The following ATP8A2 variants were observed in gnomAD, a reference collection of about 807,000 sequenced individuals.
ATP8A2 encodes the protein phospholipid-transporting ATPase IB.
A neutral mutation model predicts 165.6 loss-of-function variants in ATP8A2; 100 were observed. That is an observed-to-expected ratio of 0.60 (90% CI 0.51 to 0.71). The LOEUF (loss-of-function observed/expected upper bound fraction) is 0.71, where lower values mean the gene tolerates loss of function less well. Among genes scored for constraint, ATP8A2 ranks in the 30% least tolerant of loss-of-function variants. ATP8A2 has a pLI of 0.00. For synonymous variants in ATP8A2, 543 were observed against 548.8 expected (o/e 0.99, Z 0.15); for missense variants, 1,227 against 1,479.5 (o/e 0.83, Z 2.80).
chr13:25,508,700 G>A (rs1160184507), intron 2 of ATP8A2, among the ~76,000 whole-genome samples: 1 of 152,226 alleles, frequency 6.6e-6, no homozygotes, highest in Non-Finnish European at 1.5e-5. Context: ...AAATAACCAT[G>A]TGTAAATCAC....
intron 24 of ATP8A2, among the ~76,000 whole-genome samples, chr13:25,651,399 C>T (rs907696116): frequency 8.6e-5 from 13 of 151,642 alleles, no homozygotes; most frequent in Admixed American, 3.3e-4. Context: ...ATCAAGATCA[C>T]GCCACTGCAC....
chr13:25,740,336 G>T (rs1453811785), intron 25 of ATP8A2, among the ~76,000 whole-genome samples: 2 of 147,726 alleles, frequency 1.4e-5, no homozygotes, highest in Non-Finnish European at 3.0e-5. Flanking sequence ...AAAAGAGAAA[G>T]ACATGATTAT....
At chr13:25,536,508 C>T (rs968071884) in intron 6 of ATP8A2, among the ~76,000 whole-genome samples, 1 of 152,120 alleles carries the variant, frequency 6.6e-6, no homozygotes, top group Admixed American at 6.6e-5. Flanking sequence ...GTGGCATTTT[C>T]CCCAGACACT....
intron 24 of ATP8A2, among the ~76,000 whole-genome samples, chr13:25,666,152 T>A (rs2042149376): frequency 6.6e-6 from 1 of 151,948 alleles, no homozygotes; most frequent in South Asian, 2.1e-4. Flanking sequence ...CTTGGAACAT[T>A]TTAATTATTG....
At chr13:25,521,980 G>A (rs1342341697) in intron 2 of ATP8A2, among the ~76,000 whole-genome samples, 2 of 152,118 alleles carry the variant, frequency 1.3e-5, no homozygotes, top group Non-Finnish European at 2.9e-5. Context: ...ATAAACGTTA[G>A]AATTGTGTTT....
chr13:25,611,068 G>T (rs1467902132), intron 24 of ATP8A2, among the ~76,000 whole-genome samples: 1 of 151,800 alleles, frequency 6.6e-6, no homozygotes, highest in African/African-American at 2.4e-5. Context: ...GGTTTTCTAG[G>T]TATATGATCA....
chr13:25,573,357 AT>A (rs2039522079), intron 18 of ATP8A2, among the ~76,000 whole-genome samples: 1 of 77,672 alleles, frequency 1.3e-5, no homozygotes, highest in Non-Finnish European at 3.1e-5. Flanking sequence ...TCCTGGTGTT[AT>A]AATGCTGCAT....
At chr13:25,806,072 C>A (rs1364108208) in intron 27 of ATP8A2, among the ~76,000 whole-genome samples, 1 of 152,054 alleles carries the variant, frequency 6.6e-6, no homozygotes, top group Non-Finnish European at 1.5e-5. Context: ...TTATTTCATG[C>A]CCTAGAAATG....
chr13:25,486,480 G>T (rs2137613385), intron 2 of ATP8A2, among the ~76,000 whole-genome samples: 1 of 151,958 alleles, frequency 6.6e-6, no homozygotes, highest in East Asian at 1.9e-4. Context: ...CCATTTTTTT[G>T]AACTATTGTG....
intron 24 of ATP8A2, chr13:25,591,336 C>T (rs1434477470): frequency 2.2e-6 from 1 of 456,662 alleles, no homozygotes; most frequent in Admixed American, 2.3e-5. Flanking sequence ...CATCCCCTGG[C>T]AGTCATTCTG....
chr13:25,497,125 A>G (rs2137674075), intron 2 of ATP8A2, among the ~76,000 whole-genome samples: 2 of 152,326 alleles, frequency 1.3e-5, no homozygotes, highest in East Asian at 3.9e-4. Flanking sequence ...TATGTGAAGT[A>G]TCATGATCAA....
At chr13:25,899,847 G>A (rs1469340996) in intron 33 of ATP8A2, among the ~76,000 whole-genome samples, 2 of 152,204 alleles carry the variant, frequency 1.3e-5, no homozygotes, top group African/African-American at 4.8e-5. Flanking sequence ...ATGCTCTGAT[G>A]TCTATTTCCA....
chr13:25,387,099 G>A (rs1163874420), intron 1 of ATP8A2, among the ~76,000 whole-genome samples: 1 of 152,180 alleles, frequency 6.6e-6, no homozygotes, highest in South Asian at 2.1e-4. Flanking sequence ...TTAATATAGA[G>A]AACTGGCTCA....
intron 25 of ATP8A2, among the ~76,000 whole-genome samples, chr13:25,766,388 C>T (rs994685481): frequency 6.6e-6 from 1 of 152,176 alleles, no homozygotes; most frequent in Non-Finnish European, 1.5e-5. Flanking sequence ...GAAAGACATA[C>T]ATTGAAAGAA....
At chr13:25,857,791 G>A (rs1952215861) in intron 30 of ATP8A2, among the ~76,000 whole-genome samples, 1 of 151,930 alleles carries the variant, frequency 6.6e-6, no homozygotes. Context: ...GGCTGGTCTT[G>A]AACTCCTGAC....
chr13:25,877,643 A>G (rs1410042891), intron 33 of ATP8A2, among the ~76,000 whole-genome samples: 3 of 152,098 alleles, frequency 2.0e-5, no homozygotes, highest in Non-Finnish European at 2.9e-5. Context: ...GTCTCCTCCC[A>G]TGTTCCTTAG....
At chr13:25,549,758 A>G (rs1305956773) in intron 10 of ATP8A2, among the ~76,000 whole-genome samples, 2 of 152,130 alleles carry the variant, frequency 1.3e-5, no homozygotes, top group Admixed American at 6.6e-5. Flanking sequence ...TGAGAAGTCT[A>G]CTATGAGTAG....
rs554123875 is a variant in ATP8A2, at chr13:25,542,117, G to A, written c.779+71G>A. On this transcript the variant is annotated intron_variant, in intron 9 of 36. Transcript: ENST00000381655. ...GAATTACTGGAGCTTTGGAAAATATGTTTGTTTCCTAGTTTTGTAATATTT... is the reference window on the plus strand; with the variant it reads ...GAATTACTGGAGCTTTGGAAAATATATTTGTTTCCTAGTTTTGTAATATTT... 5.6e-6 allele frequency: 8 copies of A among 1,429,716 alleles called. No individual in the cohort carries two copies. In the African/African-American group the frequency reaches 1.1e-4, roughly 20 times the overall value. The allele number at this position is 1,429,716 out of a possible 1,614,324, so 88.6% of individuals were successfully genotyped here. A position where few individuals can be genotyped will look rare whatever the true frequency, so the allele number is the denominator to read the frequency against.
intron 16 of ATP8A2, among the ~76,000 whole-genome samples, chr13:25,566,564 G>T (rs766846546): frequency 6.6e-6 from 1 of 152,158 alleles, no homozygotes; most frequent in Non-Finnish European, 1.5e-5. Context: ...GAGCTCCGGA[G>T]ACTGCTCTTG....
Sources: allele counts gnomAD v4.1 joint callset (sites outside exome capture counted in the v4.1 genomes callset), GRCh38; gene constraint gnomAD v4.1.1; transcripts MANE v1.5; gene names NCBI Gene and HGNC (gene_info 2026-07-23, HGNC 2026-07-21).